Variants in CD8B2 observed in about 807,000 individuals in gnomAD.
CD8B2 encodes the protein CD8B family member 2, also known as T-cell surface glycoprotein CD8 beta-2 chain.
In CD8B2, 11 loss-of-function variants were observed where a neutral mutation model predicts 23.7. That is an observed-to-expected ratio of 0.46 (90% CI 0.29 to 0.77). The LOEUF is 0.77. CD8B2 is among the 30% of genes least tolerant of loss of function. CD8B2 has a pLI of 0.09. For missense variants in CD8B2, 197 were observed against 270.5 expected (o/e 0.73, Z 1.91); for synonymous variants, 90 against 109.3 (o/e 0.82, Z 1.10).
chr2:106,516,300 C>T (rs188936893), intron 5 of CD8B2, among the ~76,000 whole-genome samples: 163 of 152,264 alleles, frequency 1.1e-3, no homozygotes, highest in African/African-American at 3.7e-3. Context: ...AATCCTGAAG[C>T]GAAGGAGCAC....
At chr2:106,518,409 C>T (rs2104567128) in intron 5 of CD8B2, among the ~76,000 whole-genome samples, 1 of 152,184 alleles carries the variant, frequency 6.6e-6, no homozygotes, top group Admixed American at 6.5e-5. Flanking sequence ...CAATATTAAT[C>T]CTCATTTAGG....
rs2104562582 is a variant in CD8B2 at position 106,510,122 on chromosome 2, T to A, written c.*3182T>A. On this transcript the variant is annotated 3_prime_UTR_variant, in exon 6 of 6. Transcript: ENST00000643224. ...ATACAATATATGGCGCAATACGTAGTCACTGTTAAAATTCAAGCACAGAAG... is the reference window on the plus strand; with the variant it reads ...ATACAATATATGGCGCAATACGTAGACACTGTTAAAATTCAAGCACAGAAG... 1 of 152,278 alleles carries A rather than the reference T, an allele frequency of 6.6e-6. No homozygotes were observed. Among genetic ancestry groups the A allele is most frequent in the South Asian group, 2.1e-4 (1 of 4,828 alleles). 9.4% of individuals were successfully genotyped at this position (152,278 alleles called of 1,614,324 possible). A position where few individuals can be genotyped will look rare whatever the true frequency, so the allele number is the denominator to read the frequency against.
chr2:106,508,907 G>C lies in CD8B2; in HGVS notation c.*1967G>C, dbSNP rs1277804689. The C allele has an allele frequency of 7.1e-6, 1 of 141,286 alleles. No individual in the cohort carries two copies. Among genetic ancestry groups the C allele is most frequent in the African/African-American group, 2.5e-5 (1 of 39,276 alleles). 8.8% of individuals were successfully genotyped at this position (141,286 alleles called of 1,614,324 possible). A position where few individuals can be genotyped will look rare whatever the true frequency, so the allele number is the denominator to read the frequency against. On this transcript the variant is annotated 3_prime_UTR_variant, in exon 6 of 6. Coordinates refer to ENST00000643224, the MANE Select transcript of CD8B2 (RefSeq NM_001349727.2). The stretch of plus-strand genomic sequence containing the variant: ...GTGGGGAGATGGGGTTTTTCCTTTT[G>C]GTGTACGTTAATTGGCCTTAGATGC...
intron 2 of CD8B2, among the ~76,000 whole-genome samples, chr2:106,494,421 T>A (rs1303816652): frequency 6.6e-6 from 1 of 152,184 alleles, no homozygotes; most frequent in African/African-American, 2.4e-5. Flanking sequence ...GTGCTGGGAT[T>A]ACAGGCGTGA....
chr2:106,527,512 C>T (rs894400091), intron 5 of CD8B2, among the ~76,000 whole-genome samples: 1 of 152,236 alleles, frequency 6.6e-6, no homozygotes, highest in Admixed American at 6.5e-5. Context: ...CAGCCGGGCA[C>T]AGTGGCTCAC....
At chr2:106,532,567 A>G (rs1406527960) in intron 5 of CD8B2, among the ~76,000 whole-genome samples, 3 of 152,176 alleles carry the variant, frequency 2.0e-5, no homozygotes, top group African/African-American at 7.2e-5. Context: ...GCCCATTTTT[A>G]TGGTTATTTC....
At chr2:106,544,231 G>C in exon 6 of CD8B2, 1 of 396,030 alleles carries the variant, frequency 2.5e-6, no homozygotes, top group Non-Finnish European at 4.4e-6. Context: ...TTAGTTATTT[G>C]AATAGGTTTT....
At chr2:106,535,393 A>T (rs1680069782) in intron 5 of CD8B2, 1 of 152,072 alleles carries the variant, frequency 6.6e-6, no homozygotes, top group Non-Finnish European at 1.5e-5. Context: ...CATCAATATT[A>T]AAAACATAGA....
intron 5 of CD8B2, among the ~76,000 whole-genome samples, chr2:106,519,280 G>T (rs1168102960): frequency 6.6e-6 from 1 of 152,284 alleles, no homozygotes; most frequent in Middle Eastern, 3.4e-3. Context: ...GCCACCTTGG[G>T]GGATAGTGGG....
At chr2:106,534,636 C>T (rs1308735635) in intron 5 of CD8B2, among the ~76,000 whole-genome samples, 1 of 152,088 alleles carries the variant, frequency 6.6e-6, no homozygotes, top group African/African-American at 2.4e-5. Flanking sequence ...CCAGAGCTAG[C>T]CCTTTTGATG....
rs1315913864 is a variant in CD8B2 at position 106,507,231 on chromosome 2, G to A, written c.*291G>A. The A allele has an allele frequency of 8.2e-7, 1 of 1,226,976 alleles. No homozygotes were observed. The highest frequency in any genetic ancestry group is 1.0e-6 in the Non-Finnish European group (1 of 979,390). The allele number at this position is 1,226,976 out of a possible 1,614,324, so 76.0% of individuals were successfully genotyped here. On this transcript the variant is annotated 3_prime_UTR_variant, in exon 6 of 6. Transcript: ENST00000643224. ...GCCCATGCCACCGCTTCCGGCTCCT[G>A]TGCTTTCCCTGAGCTGGGACCTTTA...
chr2:106,511,451 C>G (rs565481882), downstream of CD8B2, among the ~76,000 whole-genome samples: 3 of 150,266 alleles, frequency 2.0e-5, 1 homozygote, highest in South Asian at 6.5e-4. Context: ...CCCCTCCCCC[C>G]GCCCCCTTCC....
At chr2:106,494,885 T>G (rs1679268284) in intron 2 of CD8B2, among the ~76,000 whole-genome samples, 1 of 152,150 alleles carries the variant, frequency 6.6e-6, no homozygotes, top group Admixed American at 6.5e-5. Context: ...ATATTATATA[T>G]ATATTTTAGG....
At chr2:106,522,957 T>C (rs1679850207) in intron 5 of CD8B2, among the ~76,000 whole-genome samples, 1 of 152,106 alleles carries the variant, frequency 6.6e-6, no homozygotes, top group Non-Finnish European at 1.5e-5. Flanking sequence ...AGACCCCCAC[T>C]TGACTTAAAG....
intron 1 of CD8B2, among the ~76,000 whole-genome samples, chr2:106,488,236 C>A (rs4361124): frequency 0.98 from 148,228 of 150,784 alleles, 72,912 homozygotes; most frequent in East Asian, 1. Context: ...CAGTGAGTGC[C>A]ACATCATAAA....
At chr2:106,494,690 T>A (rs994871163) in intron 2 of CD8B2, among the ~76,000 whole-genome samples, 1 of 151,926 alleles carries the variant, frequency 6.6e-6, no homozygotes, top group Non-Finnish European at 1.5e-5. Flanking sequence ...CCACTGCCCC[T>A]CCCAACACTT....
At chr2:106,519,624 C>T (rs1232981082) in intron 5 of CD8B2, among the ~76,000 whole-genome samples, 1 of 152,168 alleles carries the variant, frequency 6.6e-6, no homozygotes, top group Non-Finnish European at 1.5e-5. Flanking sequence ...AACGCTGAGA[C>T]CCAAACACAT....
chr2:106,511,776 C>G (rs979070790), downstream of CD8B2, among the ~76,000 whole-genome samples: 8 of 152,192 alleles, frequency 5.3e-5, no homozygotes, highest in African/African-American at 1.2e-4. Context: ...CACTGACACT[C>G]CCGGGGAACC....
chr2:106,543,168 C>T (rs1051156344), intron 5 of CD8B2: 4 of 152,138 alleles, frequency 2.6e-5, no homozygotes, highest in African/African-American at 4.8e-5. Context: ...GTATCCCGAC[C>T]GCCGGGAACT....
Sources: allele counts gnomAD v4.1 joint callset (sites outside exome capture counted in the v4.1 genomes callset), GRCh38; gene constraint gnomAD v4.1.1; transcripts MANE v1.5; gene names NCBI Gene and HGNC (gene_info 2026-07-23, HGNC 2026-07-21).